Variants in NASP observed in about 807,000 individuals in gnomAD.
NASP encodes the protein NASP histone chaperone.
In NASP, 24 loss-of-function variants were observed where a neutral mutation model predicts 89.5. The observed-to-expected ratio is 0.27, with a 90% CI of 0.19 to 0.38. The LOEUF (loss-of-function observed/expected upper bound fraction) is 0.38. NASP is among the 10% of genes least tolerant of loss of function. NASP has a pLI of 1.00. For missense variants in NASP, 848 were observed against 921.4 expected (o/e 0.92, Z 1.03); for synonymous variants, 306 against 324.7 (o/e 0.94, Z 0.62).
At chr1:45,610,882 AT>A (rs1287222437) in intron 6 of NASP, 1 of 152,186 alleles carries the variant, frequency 6.6e-6, no homozygotes, top group Non-Finnish European at 1.5e-5. Context: ...GGCCCGACTA[AT>A]TTTTTTGTAT....
rs147212372 is a variant in NASP, at chr1:45,584,597, C to A, written c.59+392C>A. The stretch of plus-strand genomic sequence containing the variant: ...GCCTCTGGTAGAACCCCTGGATAAC[C>A]CGGGAATATAACCAACGAAGATTTG... On this transcript the variant is annotated intron_variant, in intron 1 of 14. Transcript: ENST00000350030. Among the ~76,000 whole-genome samples the A allele has an allele frequency of 3.8e-4, 58 of 152,014 alleles. No individual in the cohort carries two copies. In the East Asian group the frequency reaches 0.011, roughly 28 times the overall value.
chr1:45,593,855 C>CA (rs71056313), intron 2 of NASP, among the ~76,000 whole-genome samples: 163 of 145,522 alleles, frequency 1.1e-3, no homozygotes, highest in African/African-American at 2.5e-3. Flanking sequence ...GCCATCTGTA[C>CA]AAAAAAAAAA....
intron 4 of NASP, 150 bp downstream of exon 4, chr1:45,605,166 C>G (rs150712016): frequency 3.1e-6 from 2 of 648,974 alleles, no homozygotes; most frequent in Non-Finnish European, 5.5e-6. Flanking sequence ...GCACTTGATA[C>G]AATTAGTAGT....
At chr1:45,599,253 C>T (rs910866414) in intron 2 of NASP, among the ~76,000 whole-genome samples, 5 of 151,948 alleles carry the variant, frequency 3.3e-5, no homozygotes, top group South Asian at 2.1e-4. Flanking sequence ...CTTAGCCTTG[C>T]GAGTAACGGG....
Position 45,615,486 on chromosome 1 carries a change from C to T in NASP, c.2022+15C>T, listed in dbSNP as rs764410536. The stretch of plus-strand genomic sequence containing the variant: ...AAGCTACTCTGGTTGGTTCCGTTAA[C>T]ATTTTGATAATAGCATGTTTGGTAC... On this transcript the variant is annotated intron_variant, in intron 11 of 14. Transcript: ENST00000350030. 3 of 1,597,958 alleles carry T rather than the reference C, an allele frequency of 1.9e-6. No homozygotes were observed. Among genetic ancestry groups the T allele is most frequent in the South Asian group, 2.3e-5 (2 of 88,020 alleles).
At chr1:45,590,947 A>T (rs1643533632) in intron 1 of NASP, among the ~76,000 whole-genome samples, 1 of 152,214 alleles carries the variant, frequency 6.6e-6, no homozygotes, top group Non-Finnish European at 1.5e-5. Flanking sequence ...AATGGCCCAG[A>T]TAGCTTACAA....
At position 45,607,378 on chromosome 1, in the gene NASP, A is replaced by G; in HGVS notation, c.467A>G (p.Glu156Gly). 1.2e-6 allele frequency: 2 copies of G among 1,614,146 alleles called. No homozygotes were observed. Among genetic ancestry groups the G allele is most frequent in the Non-Finnish European group, 1.7e-6 (2 of 1,179,984 alleles). The stretch of plus-strand genomic sequence containing the variant: ...TATGACGCCATGGGAGAAAAAGAAG[A>G]AGCCAAAAAAACAGAAGACAAGTCT... ...QVYDAMGEKEEAKKTEDKSLA... is the reference protein window; with the variant it reads ...QVYDAMGEKEGAKKTEDKSLA... The change falls in exon 6 of 15, where the codon GAA becomes GGA. Residue 156 changes from glutamate to glycine, a missense_variant. Physicochemically the swap from Glu to Gly is moderately conservative, Grantham distance 98 (BLOSUM62 -2). Coordinates refer to ENST00000350030, the MANE Select transcript of NASP (RefSeq NM_002482.4).
chr1:45,602,186 A>G (rs889050880), intron 2 of NASP, 69 bp from the exon 3 acceptor site: 5 of 1,532,724 alleles, frequency 3.3e-6, no homozygotes, highest in Non-Finnish European at 3.5e-6. Flanking sequence ...TATTGCTCAA[A>G]TGTAGCAGGT....
chr1:45,615,402 G>A lies in NASP; in HGVS notation c.1953G>A (p.Glu651=). 2 of 1,614,184 alleles carry A rather than the reference G, an allele frequency of 1.2e-6. No individual in the cohort carries two copies. The highest frequency in any genetic ancestry group is 1.7e-6 in the Non-Finnish European group (2 of 1,180,026). Reference sequence around the variant, plus strand: ...AGGAACTGCTACCCGAAATTAGAGAGAAGATAGAAGATGCAAAGGAGTCTC... The same window carrying A: ...AGGAACTGCTACCCGAAATTAGAGAAAAGATAGAAGATGCAAAGGAGTCTC... ...ELKELLPEIR[E]KIEDAKESQR... The change falls in exon 11 of 15, where the codon GAG becomes GAA. Residue 651 remains glutamate (E), a synonymous_variant. Transcript: ENST00000350030.
At chr1:45,601,850 G>T (rs1356550184) in intron 2 of NASP, among the ~76,000 whole-genome samples, 1 of 146,166 alleles carries the variant, frequency 6.8e-6, no homozygotes, top group Non-Finnish European at 1.5e-5. Flanking sequence ...CGCCTCCTGG[G>T]TTCATGCCAT....
At chr1:45,610,150 GATC>G (rs1643980243) in intron 6 of NASP, 1 of 152,082 alleles carries the variant, frequency 6.6e-6, no homozygotes, top group Non-Finnish European at 1.5e-5. Flanking sequence ...AGTGAGCTGA[GATC>G]ATGCCGCTGT....
intron 13 of NASP, among the ~76,000 whole-genome samples, chr1:45,617,002 G>C (rs902216927): frequency 6.6e-6 from 1 of 152,098 alleles, no homozygotes; most frequent in African/African-American, 2.4e-5. Flanking sequence ...CCGCCACCAC[G>C]CCTGGCTAGT....
chr1:45,617,863 C>T (rs886643435), intron 14 of NASP, among the ~76,000 whole-genome samples, 198 bp from the exon 15 acceptor site: 14 of 152,190 alleles, frequency 9.2e-5, no homozygotes, highest in African/African-American at 1.4e-4. Flanking sequence ...CTTCCTTCCA[C>T]GTGATGATTA....
At chr1:45,593,965 G>C (rs192694627) in intron 2 of NASP, among the ~76,000 whole-genome samples, 323 of 151,978 alleles carry the variant, frequency 2.1e-3, no homozygotes, top group Middle Eastern at 3.4e-3. Flanking sequence ...GGAAGTCGAG[G>C]TGGTGGTGAG....
At chr1:45,599,951 G>GTTTTTTTTTTTTTTTTTTTTTTTTTT (rs1375366938) in intron 2 of NASP, among the ~76,000 whole-genome samples, 5 of 101,942 alleles carry the variant, frequency 4.9e-5, no homozygotes, top group African/African-American at 2.2e-4. Context: ...CTTTTCCTCT[G>GTTTTTTTTTTTTTTTTTTTTTTTTTT]TATTTTTTTT....
chr1:45,617,932 C>G, intron 14 of NASP, 129 bp from the exon 15 acceptor site: 1 of 763,320 alleles, frequency 1.3e-6, no homozygotes. Flanking sequence ...GGTCACTGCC[C>G]TCTTAATATA....
At chr1:45,608,480 T>A in intron 6 of NASP, 143 bp downstream of exon 6, 1 of 813,150 alleles carries the variant, frequency 1.2e-6, no homozygotes, top group Non-Finnish European at 1.9e-6. Flanking sequence ...GGGGGTAGTT[T>A]AACAAGGTCG....
intron 1 of NASP, among the ~76,000 whole-genome samples, chr1:45,586,121 G>C (rs1303082034): frequency 2.1e-5 from 3 of 142,952 alleles, no homozygotes; most frequent in Non-Finnish European, 4.6e-5. Context: ...AGCATAAATT[G>C]AAAGCTAAAA....
In NASP at chr1:45,614,195, T is replaced by A; in HGVS notation, c.1592+14T>A. On this transcript the variant is annotated intron_variant, in intron 8 of 14. Coordinates refer to ENST00000350030, the MANE Select transcript of NASP (RefSeq NM_002482.4). ...CATTTTTAAAAGGTAAAACTCTTGGTGCTTCTAGGCTTGGGTTGGGAGTTT... is the reference window on the plus strand; with the variant it reads ...CATTTTTAAAAGGTAAAACTCTTGGAGCTTCTAGGCTTGGGTTGGGAGTTT... 1 of 1,606,434 alleles carries A rather than the reference T, an allele frequency of 6.2e-7. No individual in the cohort carries two copies. The highest frequency in any genetic ancestry group is 8.5e-7 in the Non-Finnish European group (1 of 1,173,042).
Sources: allele counts gnomAD v4.1 joint callset (sites outside exome capture counted in the v4.1 genomes callset), GRCh38; gene constraint gnomAD v4.1.1; transcripts MANE v1.5; gene names NCBI Gene and HGNC (gene_info 2026-07-23, HGNC 2026-07-21).